HAUS6: variants seen among roughly 807,000 people sequenced by gnomAD.
The protein encoded by HAUS6 is HAUS augmin-like complex subunit 6.
Under a neutral mutation model 106.8 loss-of-function variants are expected in HAUS6, and 80 were observed. The observed-to-expected ratio is 0.75, with a 90% CI of 0.63 to 0.90. HAUS6 has a LOEUF of 0.90. Ranked by LOEUF, HAUS6 falls within the 40% of genes least tolerant of loss-of-function variation. HAUS6 has a pLI of 0.00. For synonymous variants in HAUS6, 356 were observed against 379.1 expected, an observed-to-expected ratio of 0.94 and a Z score of 0.71; for missense variants, 1,155 against 1,118.1, an observed-to-expected ratio of 1.03 and a Z score of -0.47.
chr9:19,086,682 C>A (rs186838011), intron 7 of HAUS6, 52 bp downstream of exon 7: 3 of 787,828 alleles, frequency 3.8e-6, no homozygotes, highest in Non-Finnish European at 6.5e-6. Flanking sequence ...GCAAACACTG[C>A]GTATCACAGA....
chr9:19,099,033 A>G (rs1423884110), intron 1 of HAUS6, among the ~76,000 whole-genome samples: 1 of 151,016 alleles, frequency 6.6e-6, no homozygotes, highest in Non-Finnish European at 1.5e-5. Context: ...AAAAAAAAAA[A>G]AGAAAAAAAG....
chr9:19,087,846 CAAA>C lies in HAUS6; in HGVS notation c.585-693_585-691del, dbSNP rs71333081. 4.8e-3 allele frequency among the ~76,000 whole-genome samples: 380 copies of C among 78,716 alleles called. 1 individual carries two copies. The highest frequency in any genetic ancestry group is 0.017 in the African/African-American group (367 of 21,210). The allele number at this position is 78,716 out of a possible 152,430, so 51.6% of individuals were successfully genotyped here. On this transcript the variant is annotated intron_variant, in intron 5 of 16. Transcript: ENST00000380502. ...TAAGCAACAGAGCAAGACCTTGTCT[CAAA>C]AAAAAAAAAAAAAAAAAAAAAACCA...
intron 13 of HAUS6, 142 bp from the exon 14 acceptor site, chr9:19,063,335 T>C: frequency 1.5e-6 from 1 of 680,638 alleles, no homozygotes; most frequent in South Asian, 2.1e-5. Flanking sequence ...CTGGCAGAAT[T>C]AACTAATTCC....
intron 12 of HAUS6, among the ~76,000 whole-genome samples, chr9:19,065,366 G>A (rs1416776092): frequency 6.6e-6 from 1 of 152,028 alleles, no homozygotes; most frequent in Non-Finnish European, 1.5e-5. Context: ...CCTAAGGGAA[G>A]AACAGAGAGA....
intron 3 of HAUS6, 124 bp from the exon 4 acceptor site, chr9:19,093,427 A>G: frequency 1.2e-6 from 1 of 858,928 alleles, no homozygotes; most frequent in East Asian, 2.6e-5. Flanking sequence ...TTTCATAAGT[A>G]CTATGCTATA....
chr9:19,057,789 C>G lies in HAUS6; in HGVS notation c.2806+172G>C, dbSNP rs562678503. The stretch of plus-strand genomic sequence containing the variant: ...TCAATTGTAACTATATATACATAAA[C>G]AGAGATTCTGAAAGGACCTGTCCAG... On this transcript the variant is annotated intron_variant, in intron 16 of 16. Coordinates refer to ENST00000380502, the MANE Select transcript of HAUS6 (RefSeq NM_017645.5). 7.5e-6 allele frequency: 4 copies of G among 531,272 alleles called. No individual in the cohort carries two copies. The African/African-American group carries it at 7.5e-5, about 10-fold the overall frequency. 32.9% of individuals were successfully genotyped at this position (531,272 alleles called of 1,614,324 possible).
chr9:19,076,566 A>G (rs761509281), intron 11 of HAUS6, 36 bp downstream of exon 11: 1 of 852,526 alleles, frequency 1.2e-6, no homozygotes, highest in Non-Finnish European at 2.0e-6. Flanking sequence ...GACAGGAAGG[A>G]GGTTTCAAAG....
rs1836512162 is a variant in HAUS6 at position 19,058,010 on chromosome 9, T to C, written c.2757A>G (p.Arg919=). The change falls in exon 16 of 17, where the codon AGA becomes AGG. Residue 919 remains arginine (R), a synonymous_variant. Coordinates refer to ENST00000380502, the MANE Select transcript of HAUS6 (RefSeq NM_017645.5). Reference sequence around the variant, plus strand: ...GACTACATGCTATTGTGGTTCTCAATCTTTGTTCCACTGGAGAAAACTTAA... The same window carrying C: ...GACTACATGCTATTGTGGTTCTCAACCTTTGTTCCACTGGAGAAAACTTAA... ...PLIKFSPVEQ[R]LRTTIACSLG... is the part of the protein sequence containing the mutation. 6.2e-7 allele frequency: 1 copy of C among 1,612,212 alleles called. No individual in the cohort carries two copies. Among genetic ancestry groups the C allele is most frequent in the African/African-American group, 1.3e-5 (1 of 74,898 alleles).
At chr9:19,097,100 G>T (rs1365766115) in intron 1 of HAUS6, among the ~76,000 whole-genome samples, 1 of 152,120 alleles carries the variant, frequency 6.6e-6, no homozygotes, top group Non-Finnish European at 1.5e-5. Flanking sequence ...ACAATAAATA[G>T]CTAATATTTA....
chr9:19,093,909 G>C (rs144665942), intron 3 of HAUS6, among the ~76,000 whole-genome samples: 3 of 152,058 alleles, frequency 2.0e-5, no homozygotes, highest in Non-Finnish European at 4.4e-5. Context: ...AATTTGATCA[G>C]AATTATTCCT....
At chr9:19,077,439 G>A (rs1044129398) in intron 10 of HAUS6, among the ~76,000 whole-genome samples, 1 of 152,182 alleles carries the variant, frequency 6.6e-6, no homozygotes, top group African/African-American at 2.4e-5. Flanking sequence ...GGAGGCCGAG[G>A]CAGTAGAACC....
intron 11 of HAUS6, among the ~76,000 whole-genome samples, chr9:19,074,557 C>A (rs747932982): frequency 1.3e-5 from 2 of 152,118 alleles, no homozygotes; most frequent in African/African-American, 4.8e-5. Flanking sequence ...TAGGTGTGAG[C>A]TGCTATGCCC....
At chr9:19,099,229 C>A (rs905903652) in intron 1 of HAUS6, among the ~76,000 whole-genome samples, 1 of 150,290 alleles carries the variant, frequency 6.7e-6, no homozygotes, top group African/African-American at 2.4e-5. Flanking sequence ...TGCAGCGGCG[C>A]GATCTCGGCT....
intron 7 of HAUS6, among the ~76,000 whole-genome samples, chr9:19,086,450 A>G (rs1394663634): frequency 2.0e-5 from 3 of 152,044 alleles, no homozygotes; most frequent in East Asian, 1.9e-4. Flanking sequence ...GTGAAACTCT[A>G]TCTCTACTAA....
At chr9:19,078,132 AAG>A in intron 10 of HAUS6, 42 bp downstream of exon 10, 2 of 1,522,186 alleles carry the variant, frequency 1.3e-6, no homozygotes, top group Non-Finnish European at 1.8e-6. Flanking sequence ...AAAAAAAAAA[AAG>A]GTGGGTGGCG....
At position 19,094,742 on chromosome 9, in the gene HAUS6, G is replaced by C. The variant is rs538623411; in HGVS notation, c.225-347C>G. The stretch of plus-strand genomic sequence containing the variant: ...GGAGATGGAGTCTGCAGTGAGCCAA[G>C]ATGGCACCACTGCACTGCAGCCTGG... On this transcript the variant is annotated intron_variant, in intron 2 of 16. Coordinates refer to ENST00000380502, the MANE Select transcript of HAUS6 (RefSeq NM_017645.5). Among the ~76,000 whole-genome samples, 6 of 152,204 alleles carry C rather than the reference G, an allele frequency of 3.9e-5. No individual in the cohort carries two copies. In the South Asian group the frequency reaches 1.0e-3, roughly 26 times the overall value.
intron 11 of HAUS6, chr9:19,073,811 C>A (rs1836928968): frequency 6.6e-6 from 1 of 152,114 alleles, no homozygotes. Context: ...TCAAACAATG[C>A]AGCCTTTTAT....
intron 14 of HAUS6, among the ~76,000 whole-genome samples, chr9:19,061,110 G>C (rs1451449035): frequency 6.6e-6 from 1 of 152,228 alleles, no homozygotes; most frequent in Non-Finnish European, 1.5e-5. Context: ...GCTGCGGTGA[G>C]CCAAGATCGT....
chr9:19,091,356 T>C (rs1373350330), intron 4 of HAUS6, among the ~76,000 whole-genome samples: 1 of 151,814 alleles, frequency 6.6e-6, no homozygotes, highest in African/African-American at 2.4e-5. Context: ...GAAATGAGTG[T>C]ACCGAATTTA....
Sources: gnomAD v4.1 joint callset for allele counts (sites outside exome capture counted in the v4.1 genomes callset) on GRCh38, gnomAD v4.1.1 for gene constraint, MANE v1.5 for transcripts, NCBI Gene and HGNC (gene_info 2026-07-23, HGNC 2026-07-21) for gene names.